IFT80: variants seen among roughly 807,000 people sequenced by gnomAD.
IFT80 encodes intraflagellar transport protein 80 homolog.
IFT80 carries 79 observed loss-of-function variants against 107.9 expected under a neutral mutation model. The ratio of observed to expected loss-of-function variants is 0.73; its 90% CI spans 0.61 to 0.88. The LOEUF is 0.88. IFT80 is among the 40% of genes least tolerant of loss of function. IFT80 has a pLI of 0.00. For synonymous variants in IFT80, 299 were observed against 300.9 expected (o/e 0.99, Z 0.07); for missense variants, 797 against 914.2 (o/e 0.87, Z 1.65).
intron 12 of IFT80, among the ~76,000 whole-genome samples, chr3:160,292,641 A>G (rs533847621): frequency 6.6e-6 from 1 of 151,966 alleles, no homozygotes; most frequent in East Asian, 1.9e-4. Flanking sequence ...CACCACGGCC[A>G]GCTAATTTTT....
intron 12 of IFT80, among the ~76,000 whole-genome samples, chr3:160,294,824 G>A (rs1490625433): frequency 2.0e-5 from 3 of 152,238 alleles, no homozygotes; most frequent in South Asian, 2.1e-4. Flanking sequence ...TATCCTCTCC[G>A]TATCTCCAGT....
At chr3:160,317,843 A>C (rs1394546319) in intron 9 of IFT80, among the ~76,000 whole-genome samples, 1 of 152,106 alleles carries the variant, frequency 6.6e-6, no homozygotes. Flanking sequence ...TCTTCAGACC[A>C]AAAGAGACTT....
intron 1 of IFT80, among the ~76,000 whole-genome samples, chr3:160,390,891 T>C (rs759923654): frequency 6.6e-6 from 1 of 152,102 alleles, no homozygotes; most frequent in South Asian, 2.1e-4. Flanking sequence ...CGGGACCAGA[T>C]TGGGGACTGG....
At chr3:160,369,001 G>A (rs1158230235) in intron 5 of IFT80, among the ~76,000 whole-genome samples, 1 of 151,866 alleles carries the variant, frequency 6.6e-6, no homozygotes, top group Non-Finnish European at 1.5e-5. Context: ...AGGAACTAAG[G>A]ACTCTTTAGT....
chr3:160,296,562 T>C (rs540686599), intron 12 of IFT80, among the ~76,000 whole-genome samples: 136 of 149,678 alleles, frequency 9.1e-4, no homozygotes, highest in Non-Finnish European at 1.6e-3. Flanking sequence ...TCTGCTATCA[T>C]CCTCACTAAA....
chr3:160,258,772 G>A, intron 19 of IFT80, 137 bp from the exon 20 acceptor site: 1 of 1,154,226 alleles, frequency 8.7e-7, no homozygotes, highest in Non-Finnish European at 1.2e-6. Flanking sequence ...CAAAAGATTA[G>A]AGAAAAAGAG....
intron 2 of IFT80, chr3:160,383,450 C>G: frequency 3.1e-6 from 3 of 965,872 alleles, no homozygotes; most frequent in Non-Finnish European, 3.7e-6. Flanking sequence ...TTTAAAATGT[C>G]TGACCAAATG....
At chr3:160,351,614 T>C (rs1576852610) in intron 8 of IFT80, among the ~76,000 whole-genome samples, 1 of 147,566 alleles carries the variant, frequency 6.8e-6, no homozygotes, top group Non-Finnish European at 1.5e-5. Context: ...TTTGTATATA[T>C]TATATATATA....
At chr3:160,315,761 C>T (rs535197070) in intron 9 of IFT80, among the ~76,000 whole-genome samples, 1 of 152,130 alleles carries the variant, frequency 6.6e-6, no homozygotes, top group East Asian at 1.9e-4. Context: ...AATCAAAATA[C>T]ATATTTATGT....
intron 9 of IFT80, among the ~76,000 whole-genome samples, chr3:160,317,327 A>G (rs1043146575): frequency 9.2e-5 from 14 of 152,260 alleles, no homozygotes; most frequent in African/African-American, 3.4e-4. Context: ...TTAAAACTTT[A>G]AAAATTTATA....
At chr3:160,278,681 TA>T (rs1237916687) in intron 16 of IFT80, among the ~76,000 whole-genome samples, 2 of 152,220 alleles carry the variant, frequency 1.3e-5, no homozygotes, top group East Asian at 3.9e-4. Flanking sequence ...AACCCATTGT[TA>T]AAAAAAGCAT....
At chr3:160,345,751 G>C (rs928119129) in intron 8 of IFT80, among the ~76,000 whole-genome samples, 21 of 151,860 alleles carry the variant, frequency 1.4e-4, no homozygotes, top group African/African-American at 5.1e-4. Context: ...AAGGGTCATG[G>C]GTTGGGGGAG....
At chr3:160,310,094 C>T (rs545102759) in intron 9 of IFT80, among the ~76,000 whole-genome samples, 8 of 152,124 alleles carry the variant, frequency 5.3e-5, no homozygotes, top group Non-Finnish European at 7.4e-5. Flanking sequence ...AATGAACACA[C>T]GTTATTTACA....
intron 8 of IFT80, among the ~76,000 whole-genome samples, chr3:160,337,788 T>C (rs1246918312): frequency 1.3e-5 from 2 of 152,228 alleles, no homozygotes; most frequent in African/African-American, 2.4e-5. Flanking sequence ...TTTCTTTAGA[T>C]GGCCAAAGTG....
chr3:160,368,178 C>T (rs534832363), intron 5 of IFT80, among the ~76,000 whole-genome samples: 1 of 151,438 alleles, frequency 6.6e-6, no homozygotes, highest in South Asian at 2.1e-4. Flanking sequence ...AATGAAAAGC[C>T]CAACTGATGA....
At chr3:160,343,860 C>A in intron 8 of IFT80, 1 of 265,822 alleles carries the variant, frequency 3.8e-6, no homozygotes, top group Non-Finnish European at 7.6e-6. Context: ...TTTTCTTTAA[C>A]AACTAGGGCA....
At chr3:160,381,857 T>C in intron 2 of IFT80, 133 bp from the exon 3 acceptor site, 1 of 705,844 alleles carries the variant, frequency 1.4e-6, no homozygotes, top group Non-Finnish European at 2.5e-6. Context: ...TTTTCCATTT[T>C]ATGACTGGTA....
chr3:160,308,117 T>G (rs981804554), intron 9 of IFT80, among the ~76,000 whole-genome samples: 3 of 152,186 alleles, frequency 2.0e-5, no homozygotes, highest in Non-Finnish European at 4.4e-5. Flanking sequence ...ATATTGAAGT[T>G]GGAAAGATTC....
chr3:160,384,512 C>A, intron 2 of IFT80, 52 bp downstream of exon 2: 1 of 1,392,258 alleles, frequency 7.2e-7, no homozygotes, highest in South Asian at 1.4e-5. Context: ...AAACTTTTAA[C>A]AATACTATAA....
Sources: gnomAD v4.1 joint callset for allele counts (sites outside exome capture counted in the v4.1 genomes callset) on GRCh38, gnomAD v4.1.1 for gene constraint, MANE v1.5 for transcripts, NCBI Gene and HGNC (gene_info 2026-07-23, HGNC 2026-07-21) for gene names.